Variants in USH2A observed in about 807,000 individuals in gnomAD.
The protein encoded by USH2A is usherin.
A neutral mutation model predicts 538.9 loss-of-function variants in USH2A; 443 were observed. The observed-to-expected ratio is 0.82, with a 90% CI of 0.76 to 0.89. The LOEUF (loss-of-function observed/expected upper bound fraction) is 0.89. Ranked by LOEUF, USH2A falls within the 40% of genes least tolerant of loss-of-function variation. The probability of loss-of-function intolerance (pLI) is 0.00; values close to 1 mark genes in which losing one functional copy is unlikely to be tolerated. For synonymous variants in USH2A, 2,413 were observed against 2,273.5 expected (o/e 1.06, Z -1.75); for missense variants, 6,633 against 6,324.8 (o/e 1.05, Z -1.65).
intron 21 of USH2A, among the ~76,000 whole-genome samples, chr1:216,141,042 G>A (rs568748122): frequency 1.3e-5 from 2 of 152,202 alleles, no homozygotes; most frequent in Non-Finnish European, 2.9e-5. Flanking sequence ...TGACTAACTG[G>A]AAAAAATGGG....
intron 44 of USH2A, among the ~76,000 whole-genome samples, chr1:215,852,400 A>G (rs1188927076): frequency 1.3e-5 from 2 of 152,112 alleles, no homozygotes; most frequent in Non-Finnish European, 2.9e-5. Flanking sequence ...CCCATAACAC[A>G]TGGGAATTCT....
At chr1:216,240,320 T>C (rs2035913165) in intron 13 of USH2A, among the ~76,000 whole-genome samples, 1 of 152,058 alleles carries the variant, frequency 6.6e-6, no homozygotes, top group Admixed American at 6.6e-5. Context: ...AAACAGGCAT[T>C]ATGTGAAAGG....
chr1:216,393,734 C>T (rs760604026), intron 3 of USH2A, among the ~76,000 whole-genome samples: 52 of 152,072 alleles, frequency 3.4e-4, no homozygotes, highest in Non-Finnish European at 7.2e-4. Flanking sequence ...TCAGACCAAA[C>T]ACAAAAAGCA....
chr1:216,179,303 CTT>C (rs765177486), intron 20 of USH2A, among the ~76,000 whole-genome samples: 2 of 151,070 alleles, frequency 1.3e-5, no homozygotes, highest in East Asian at 3.9e-4. Flanking sequence ...TTAGAGCACA[CTT>C]TTTTTTTAAT....
In USH2A at chr1:216,072,931, A is replaced by G; in HGVS notation, c.5815T>C (p.Ser1939Pro). Residue 1939 changes from serine to proline, a missense_variant, in exon 29 of 72, where the codon TCA (serine) becomes CCA (proline). Coordinates refer to ENST00000307340, the MANE Select transcript of USH2A (RefSeq NM_206933.4). ...CCTCGACTCCAATCACTATATACTG[A>G]ACCTCCTTCATGCGAGGCTATCACT... Reference protein sequence around the residue: ...YRVIASHEGGSVYSDWSRGRT... With the variant: ...YRVIASHEGGPVYSDWSRGRT... The G allele has an allele frequency of 6.2e-7, 1 of 1,613,992 alleles. No individual in the cohort carries two copies. The highest frequency in any genetic ancestry group is 1.7e-5 in the Admixed American group (1 of 60,016).
chr1:215,991,395 T>A (rs952913423), intron 35 of USH2A, among the ~76,000 whole-genome samples: 16 of 152,144 alleles, frequency 1.1e-4, no homozygotes, highest in Admixed American at 2.6e-4. Context: ...AACAATCAGA[T>A]TATCCCTCTC....
At position 216,369,308 on chromosome 1, in the gene USH2A, C is replaced by T. The variant is rs190815870; in HGVS notation, c.652-4223G>A. 4.4e-4 allele frequency among the ~76,000 whole-genome samples: 67 copies of T among 152,254 alleles called. 1 individual carries two copies. The highest frequency in any genetic ancestry group is 1.2e-3 in the African/African-American group (51 of 41,574). On this transcript the variant is annotated intron_variant, in intron 3 of 71. Coordinates refer to ENST00000307340, the MANE Select transcript of USH2A (RefSeq NM_206933.4). ...TGTTGTATTCCCCTACCTACGAACA[C>T]GTGGAATCCCCACACATCCCATCCT...
At chr1:215,707,530 T>C (rs1030201847) in intron 61 of USH2A, among the ~76,000 whole-genome samples, 6 of 152,170 alleles carry the variant, frequency 3.9e-5, no homozygotes, top group Non-Finnish European at 8.8e-5. Context: ...TCCTTGGGAA[T>C]AGGAACAGCT....
At chr1:215,859,198 T>G (rs1664251479) in intron 44 of USH2A, among the ~76,000 whole-genome samples, 1 of 152,090 alleles carries the variant, frequency 6.6e-6, no homozygotes, top group Non-Finnish European at 1.5e-5. Context: ...ACTGCTTGGG[T>G]CCATTTATAA....
At chr1:216,149,142 G>C (rs541602724) in intron 21 of USH2A, among the ~76,000 whole-genome samples, 151 of 152,208 alleles carry the variant, frequency 9.9e-4, no homozygotes, top group African/African-American at 3.5e-3. Flanking sequence ...TAGCCTTTCT[G>C]TCCAAACAAC....
intron 4 of USH2A, among the ~76,000 whole-genome samples, chr1:216,360,768 G>A (rs1396164696): frequency 6.6e-6 from 1 of 151,984 alleles, no homozygotes; most frequent in Non-Finnish European, 1.5e-5. Flanking sequence ...AAATAGGAGT[G>A]AGACCTCTAT....
Position 216,073,028 on chromosome 1 carries a change from G to T in USH2A, c.5777-59C>A. 5 of 1,611,178 alleles carry T rather than the reference G, an allele frequency of 3.1e-6. No individual in the cohort carries two copies. In the South Asian group the frequency reaches 4.4e-5, roughly 14 times the overall value. On this transcript the variant is annotated intron_variant, in intron 28 of 71. Coordinates refer to ENST00000307340, the MANE Select transcript of USH2A (RefSeq NM_206933.4). ...TAATACTCATATAGATTAATGAGGG[G>T]CTGGCAGGGAGGGAAAGGGGGATGA...
At chr1:216,299,508 G>A (rs116346294) in intron 9 of USH2A, among the ~76,000 whole-genome samples, 2,266 of 151,968 alleles carry the variant, frequency 0.015, 52 homozygotes, top group African/African-American at 0.052. Flanking sequence ...TTATTGGCTG[G>A]GGTTACCGGT....
intron 30 of USH2A, among the ~76,000 whole-genome samples, chr1:216,053,444 C>T (rs905775997): frequency 6.7e-6 from 1 of 148,656 alleles, no homozygotes; most frequent in Non-Finnish European, 1.5e-5. Context: ...GGGACACATC[C>T]CAGAGAAGTC....
At chr1:215,883,347 T>C (rs1309544956) in intron 41 of USH2A, among the ~76,000 whole-genome samples, 1 of 152,110 alleles carries the variant, frequency 6.6e-6, no homozygotes, top group Non-Finnish European at 1.5e-5. Context: ...ATCTATCTTT[T>C]GGATGTTAAC....
At chr1:216,319,575 T>A (rs1271894857) in intron 9 of USH2A, among the ~76,000 whole-genome samples, 3 of 152,124 alleles carry the variant, frequency 2.0e-5, no homozygotes, top group Admixed American at 2.0e-4. Flanking sequence ...AAAGTAGTGA[T>A]CTAGAAAATA....
chr1:215,882,865 TAAA>T (rs927325509), intron 41 of USH2A, among the ~76,000 whole-genome samples: 9 of 152,160 alleles, frequency 5.9e-5, no homozygotes, highest in African/African-American at 2.2e-4. Context: ...ATGCTAAAAA[TAAA>T]ATTTGAAAAT....
chr1:215,846,068 G>A lies in USH2A; in HGVS notation c.8846-35C>T, dbSNP rs142054089. On this transcript the variant is annotated intron_variant, in intron 44 of 71. Transcript: ENST00000307340. ...ATAAATGCAGGACATGGTGAATGTA[G>A]CTGAGGCTTTCAGGGGAAAAAAAAA... The A allele has an allele frequency of 1.9e-3, 3,036 of 1,600,976 alleles. 53 individuals carry two copies. The African/African-American group carries it at 0.036, about 19-fold the overall frequency.
chr1:215,861,081 G>A (rs1664300434), intron 44 of USH2A, among the ~76,000 whole-genome samples: 1 of 152,096 alleles, frequency 6.6e-6, no homozygotes, highest in African/African-American at 2.4e-5. Flanking sequence ...TTAACTTCTT[G>A]GGCAATAATC....
Sources: gnomAD v4.1 joint callset for allele counts (sites outside exome capture counted in the v4.1 genomes callset) on GRCh38, gnomAD v4.1.1 for gene constraint, MANE v1.5 for transcripts, NCBI Gene and HGNC (gene_info 2026-07-23, HGNC 2026-07-21) for gene names.